OLFM1: variants seen among roughly 807,000 people sequenced by gnomAD.
OLFM1 encodes noelin.
OLFM1 carries 9 observed loss-of-function variants against 49.7 expected under a neutral mutation model. The ratio of observed to expected loss-of-function variants is 0.18; its 90% CI spans 0.11 to 0.32. OLFM1 has a LOEUF of 0.32. OLFM1 is among the 10% of genes least tolerant of loss of function. The pLI is 1.00. For missense variants in OLFM1, 369 were observed against 661.8 expected, an observed-to-expected ratio of 0.56 and a Z score of 4.85; for synonymous variants, 240 against 271.8, an observed-to-expected ratio of 0.88 and a Z score of 1.15.
At chr9:135,076,628 C>T (rs961849194) in intron 1 of OLFM1, 20 of 1,110,816 alleles carry the variant, frequency 1.8e-5, no homozygotes, top group Middle Eastern at 3.0e-4. Context: ...CCGAGGGAGC[C>T]GGGCTGCTTG....
intron 5 of OLFM1, 52 bp downstream of exon 5, chr9:135,106,907 A>G: frequency 7.1e-7 from 1 of 1,411,976 alleles, no homozygotes; most frequent in Non-Finnish European, 9.7e-7. Flanking sequence ...GCGCTCTCGG[A>G]CACCTGGTGG....
At chr9:135,076,299 G>A (rs768506180) in intron 1 of OLFM1, 1 of 1,550,432 alleles carries the variant, frequency 6.4e-7, no homozygotes, top group South Asian at 1.2e-5. Context: ...GTGCCGCTGA[G>A]ACCTGGAAGG....
At chr9:135,099,466 C>A (rs979312043) in intron 4 of OLFM1, among the ~76,000 whole-genome samples, 1 of 151,908 alleles carries the variant, frequency 6.6e-6, no homozygotes, top group African/African-American at 2.4e-5. Flanking sequence ...CCTAAAACAT[C>A]CAAAAAGAAC....
rs561627619 is a variant in OLFM1, at chr9:135,089,559, C to T, written c.151-636C>T. Among the ~76,000 whole-genome samples, 5 of 152,192 alleles carry T rather than the reference C, an allele frequency of 3.3e-5. No homozygotes were observed. The East Asian group carries it at 7.8e-4, about 24-fold the overall frequency. ...ATTTGGCGACCTCCACCAAATGGCT[C>T]GTGGGGGGAGCCCACAAGGAGCTGG... On this transcript the variant is annotated intron_variant, in intron 1 of 5. Transcript: ENST00000371793.
chr9:135,104,978 C>T (rs558618215), intron 4 of OLFM1, among the ~76,000 whole-genome samples: 3 of 152,252 alleles, frequency 2.0e-5, no homozygotes, highest in East Asian at 3.9e-4. Context: ...CCATAGACGC[C>T]GGTCAGCTGT....
In OLFM1 at chr9:135,088,808, C is replaced by G. The variant is rs1334708910; in HGVS notation, c.150+669C>G. ...TGCCCTTGGGCGCTCACCCCCTCGC[C>G]TTTGCCTTCGTCTTCTGCGCGCACC... On this transcript the variant is annotated intron_variant, in intron 1 of 5. Coordinates refer to ENST00000371793, the MANE Select transcript of OLFM1 (RefSeq NM_001282611.2). This position sits in a 1 kb window ranked among gnomAD's most constrained non-coding sequence, Gnocchi z 4.8. Among the ~76,000 whole-genome samples the G allele has an allele frequency of 1.3e-5, 2 of 152,230 alleles. No individual in the cohort carries two copies. The highest frequency in any genetic ancestry group is 4.8e-5 in the African/African-American group (2 of 41,462).
chr9:135,116,750 C>G (rs1247136505), intron 5 of OLFM1, among the ~76,000 whole-genome samples: 2 of 151,864 alleles, frequency 1.3e-5, no homozygotes, highest in Admixed American at 1.3e-4. Context: ...GTGGCAGTGT[C>G]ATTAAGGGGG....
Position 135,119,614 on chromosome 9 carries a change from G to T in OLFM1, c.894G>T (p.Trp298Cys). 1 of 1,614,172 alleles carries T rather than the reference G, an allele frequency of 6.2e-7. No individual in the cohort carries two copies. Among genetic ancestry groups the T allele is most frequent in the Non-Finnish European group, 8.5e-7 (1 of 1,180,030 alleles). The change falls in exon 6 of 6, where the codon TGG becomes TGT. Residue 298 changes from tryptophan to cysteine, a missense_variant. Trp to Cys is a radical substitution (Grantham distance 215). This residue lies in a region of OLFM1 where 294 missense variants were observed against 567.5 expected (regional missense o/e 0.52). Coordinates refer to ENST00000371793, the MANE Select transcript of OLFM1 (RefSeq NM_001282611.2). Reference protein sequence around the residue: ...NFTSHRLPHPWSGTGQVVYNG... With the variant: ...NFTSHRLPHPCSGTGQVVYNG... ...CCTCCCACCGTCTCCCCCACCCCTGGTCGGGCACGGGGCAGGTGGTCTACA... is the reference window on the plus strand; with the variant it reads ...CCTCCCACCGTCTCCCCCACCCCTGTTCGGGCACGGGGCAGGTGGTCTACA...
chr9:135,082,858 C>T (rs1211650644), upstream of OLFM1, among the ~76,000 whole-genome samples: 4 of 152,172 alleles, frequency 2.6e-5, no homozygotes, highest in African/African-American at 9.7e-5. Flanking sequence ...CAAGTCCAGG[C>T]TCCACAGGGC....
At chr9:135,108,759 G>A (rs139491751) in intron 5 of OLFM1, among the ~76,000 whole-genome samples, 24 of 152,246 alleles carry the variant, frequency 1.6e-4, no homozygotes, top group African/African-American at 4.8e-4. Flanking sequence ...AGCCATCTGC[G>A]TGCCCTTCCT....
chr9:135,100,918 ATGATTGAT>A (rs35306672), intron 4 of OLFM1, among the ~76,000 whole-genome samples: 25 of 151,176 alleles, frequency 1.7e-4, no homozygotes, highest in East Asian at 1.2e-3. Context: ...AGATAGATAA[ATGATTGAT>A]TGATTGATTG....
Position 135,096,114 on chromosome 9 carries a change from CCTCCTCTTCTCCTCCTCTT to C in OLFM1, c.456+96_456+114del. On this transcript the variant is annotated intron_variant, in intron 3 of 5. Coordinates refer to ENST00000371793, the MANE Select transcript of OLFM1 (RefSeq NM_001282611.2). ...CTCCTCTCCTCCTTCTCTTCTTCCT[CCTCCTCTTCTCCTCCTCTT>C]GCTCCTCCTCCCTTCATCCTCCTCT... The C allele has an allele frequency of 8.4e-5, 5 of 59,220 alleles. 2 individuals are homozygous for C. The highest frequency in any genetic ancestry group is 1.9e-4 in the Non-Finnish European group (5 of 26,278). The allele number at this position is 59,220 out of a possible 1,614,324, so 3.7% of individuals were successfully genotyped here. A position where few individuals can be genotyped will look rare whatever the true frequency, so the allele number is the denominator to read the frequency against.
chr9:135,075,874 C>T, intron 1 of OLFM1: 1 of 1,470,822 alleles, frequency 6.8e-7, no homozygotes, highest in Non-Finnish European at 9.1e-7. Context: ...CCACAAAGTC[C>T]GGGAACGGCT....
At chr9:135,081,126 G>A (rs1564265943) in intron 1 of OLFM1, among the ~76,000 whole-genome samples, 1 of 152,082 alleles carries the variant, frequency 6.6e-6, no homozygotes, top group East Asian at 1.9e-4. Flanking sequence ...CAGCAATCCT[G>A]GGCAGTTGTC....
chr9:135,108,703 A>T (rs770595517), intron 5 of OLFM1, among the ~76,000 whole-genome samples: 4 of 151,684 alleles, frequency 2.6e-5, no homozygotes, highest in Admixed American at 6.6e-5. Context: ...CTTTCTTTTC[A>T]TGCATTAACT....
In OLFM1 at chr9:135,087,998, G is replaced by C. The variant is rs780694223; in HGVS notation, c.9G>C (p.Val3=). Reference sequence around the variant, plus strand: ...AGGCAGCTCGAGGCGCGATGTCGGTGCCGCTGCTCAAGATCGGGGTCGTGC... The same window carrying C: ...AGGCAGCTCGAGGCGCGATGTCGGTCCCGCTGCTCAAGATCGGGGTCGTGC... MS[V]PLLKIGVVLS... is the part of the protein sequence containing the mutation. The change falls in exon 1 of 6, where the codon GTG becomes GTC. Residue 3 remains valine, a synonymous_variant. Coordinates refer to ENST00000371793, the MANE Select transcript of OLFM1 (RefSeq NM_001282611.2). The C allele has an allele frequency of 2.3e-4, 328 of 1,451,326 alleles. 1 individual carries two copies. Among genetic ancestry groups the C allele is most frequent in the Middle Eastern group, 8.6e-4 (4 of 4,658 alleles). 89.9% of individuals were successfully genotyped at this position (1,451,326 alleles called of 1,614,324 possible).
chr9:135,079,611 A>T (rs1830508486), intron 1 of OLFM1, among the ~76,000 whole-genome samples: 1 of 152,076 alleles, frequency 6.6e-6, no homozygotes, highest in African/African-American at 2.4e-5. Context: ...TCTCAAAAAA[A>T]AGAAGAAGAA....
upstream of OLFM1, chr9:135,087,208 C>A (rs1249431886): frequency 6.5e-6 from 9 of 1,394,794 alleles, no homozygotes; most frequent in African/African-American, 1.5e-5. Flanking sequence ...CTTTTCGGAG[C>A]CTGCCCTGCC....
intron 2 of OLFM1, among the ~76,000 whole-genome samples, chr9:135,091,617 TCACA>T (rs777662989): frequency 2.6e-5 from 1 of 38,468 alleles, no homozygotes; most frequent in Non-Finnish European, 5.4e-5. Context: ...AGTCACACAG[TCACA>T]CACACTCACA....
Sources: gnomAD v4.1 joint callset for allele counts (sites outside exome capture counted in the v4.1 genomes callset) on GRCh38, gnomAD v4.1.1 for gene constraint, gnomAD v4.1.1 regional missense constraint, Gnocchi (gnomAD v3.1) non-coding constraint, MANE v1.5 for transcripts, NCBI Gene and HGNC (gene_info 2026-07-23, HGNC 2026-07-21) for gene names.